Variants in FCRL2 observed in about 807,000 individuals in gnomAD.
The protein encoded by FCRL2 is Fc receptor-like protein 2.
A neutral mutation model predicts 59.8 loss-of-function variants in FCRL2; 48 were observed. That is an observed-to-expected ratio of 0.80 (90% CI 0.64 to 1.02). FCRL2 has a LOEUF of 1.02. Among genes scored for constraint, FCRL2 ranks in the 50% least tolerant of loss-of-function variants. The pLI is 0.00. For missense variants in FCRL2, 658 were observed against 597.3 expected (o/e 1.10, Z -1.06); for synonymous variants, 251 against 229.5 (o/e 1.09, Z -0.85).
intron 10 of FCRL2, among the ~76,000 whole-genome samples, chr1:157,747,835 C>G (rs928882655): frequency 6.6e-6 from 1 of 152,186 alleles, no homozygotes; most frequent in Non-Finnish European, 1.5e-5. Flanking sequence ...GTTATTCCTC[C>G]CATCCCATAT....
intron 7 of FCRL2, among the ~76,000 whole-genome samples, chr1:157,755,771 T>A (rs1475260715): frequency 1.3e-5 from 2 of 152,224 alleles, no homozygotes; most frequent in Non-Finnish European, 2.9e-5. Flanking sequence ...GCACATAGTA[T>A]GTTATTATTT....
chr1:157,771,804 CA>C (rs1650042998), intron 2 of FCRL2, among the ~76,000 whole-genome samples: 1 of 152,010 alleles, frequency 6.6e-6, no homozygotes, highest in Non-Finnish European at 1.5e-5. Context: ...TCTTTCCTGT[CA>C]CTATTCAATT....
intron 2 of FCRL2, 75 bp downstream of exon 2, chr1:157,775,700 C>A: frequency 6.5e-7 from 1 of 1,543,962 alleles, no homozygotes; most frequent in African/African-American, 1.4e-5. Context: ...TCCAGAGCCA[C>A]CTCTATAGAA....
rs560907212 is a variant in FCRL2 at position 157,757,368 on chromosome 1, G to T, written c.1280-7691C>A. ...TAAGGGTGGAGCCCTGATACAATAG[G>T]ATTAGTGTTCTTATAAGAAGGGACG... On this transcript the variant is annotated intron_variant, in intron 7 of 11. Transcript: ENST00000361516. 6.6e-5 allele frequency among the ~76,000 whole-genome samples: 10 copies of T among 152,240 alleles called. No individual in the cohort carries two copies. The East Asian group carries it at 7.7e-4, about 12-fold the overall frequency.
At chr1:157,761,470 A>G (rs561047065) in intron 7 of FCRL2, among the ~76,000 whole-genome samples, 2 of 152,230 alleles carry the variant, frequency 1.3e-5, no homozygotes, top group South Asian at 2.1e-4. Flanking sequence ...TTAGCTGGGT[A>G]TGGTGACATG....
intron 2 of FCRL2, 26 bp downstream of exon 2, chr1:157,775,749 G>A (rs577506837): frequency 1.2e-6 from 2 of 1,613,782 alleles, no homozygotes; most frequent in African/African-American, 1.3e-5. Context: ...CAGAGACCAA[G>A]AACAACAAAG....
chr1:157,773,897 C>G (rs942847961), intron 2 of FCRL2, among the ~76,000 whole-genome samples: 36 of 152,000 alleles, frequency 2.4e-4, no homozygotes, highest in African/African-American at 8.7e-4. Context: ...TCATGCTGAC[C>G]CCCAGAGGGT....
chr1:157,764,414 A>G (rs982348583), intron 7 of FCRL2, among the ~76,000 whole-genome samples: 3 of 152,240 alleles, frequency 2.0e-5, no homozygotes, highest in Non-Finnish European at 4.4e-5. Flanking sequence ...TAGACAGATC[A>G]TCTGAATAGT....
chr1:157,768,407 C>G lies in FCRL2; in HGVS notation c.883+7G>C. 1 of 1,610,350 alleles carries G rather than the reference C, an allele frequency of 6.2e-7. No homozygotes were observed. Reference sequence around the variant, plus strand: ...TTCTGGAAGATATGAATGAGAGTGTCACTCACTTCTCACAGGGATATTCAC... The same window carrying G: ...TTCTGGAAGATATGAATGAGAGTGTGACTCACTTCTCACAGGGATATTCAC... On this transcript the variant is annotated splice_region_variant and intron_variant, in intron 5 of 11. Transcript: ENST00000361516.
intron 7 of FCRL2, among the ~76,000 whole-genome samples, chr1:157,760,357 T>C (rs1358680761): frequency 6.6e-6 from 1 of 151,962 alleles, no homozygotes. Flanking sequence ...GGTGGCTCAC[T>C]CACTCCTGTA....
chr1:157,754,121 G>T (rs1648409176), intron 7 of FCRL2, among the ~76,000 whole-genome samples: 1 of 152,040 alleles, frequency 6.6e-6, no homozygotes, highest in Admixed American at 6.6e-5. Flanking sequence ...ACAGGAGTTG[G>T]GTAAAATGAG....
intron 2 of FCRL2, 122 bp from the exon 3 acceptor site, chr1:157,770,788 C>G: frequency 9.5e-7 from 1 of 1,048,772 alleles, no homozygotes. Context: ...AAGTTCCAAT[C>G]CATGCCTTAA....
intron 10 of FCRL2, among the ~76,000 whole-genome samples, chr1:157,747,938 A>ATT (rs1161796843): frequency 9.2e-5 from 14 of 152,034 alleles, no homozygotes; most frequent in Admixed American, 7.9e-4. Context: ...CTCTTGCCTG[A>ATT]TTTCCTTCTT....
At chr1:157,771,683 T>C (rs969549940) in intron 2 of FCRL2, among the ~76,000 whole-genome samples, 1 of 152,192 alleles carries the variant, frequency 6.6e-6, no homozygotes, top group Non-Finnish European at 1.5e-5. Flanking sequence ...GTCACTTCAT[T>C]TATTTACGGT....
intron 7 of FCRL2, among the ~76,000 whole-genome samples, chr1:157,758,878 G>C (rs1648806518): frequency 6.6e-6 from 1 of 152,158 alleles, no homozygotes; most frequent in African/African-American, 2.4e-5. Flanking sequence ...CTAACCATAT[G>C]CAGAATATTG....
intron 2 of FCRL2, among the ~76,000 whole-genome samples, chr1:157,775,071 A>AT (rs1217531354): frequency 6.6e-6 from 1 of 152,242 alleles, no homozygotes; most frequent in African/African-American, 2.4e-5. Flanking sequence ...TAATACATGC[A>AT]TTTTTAAAAA....
intron 2 of FCRL2, among the ~76,000 whole-genome samples, chr1:157,772,341 G>A (rs577916959): frequency 6.6e-6 from 1 of 152,286 alleles, no homozygotes; most frequent in South Asian, 2.1e-4. Context: ...TTGGTCGTTA[G>A]GAATTATTCA....
chr1:157,769,784 C>A (rs982225668), intron 4 of FCRL2, 82 bp downstream of exon 4: 2 of 1,497,416 alleles, frequency 1.3e-6, no homozygotes, highest in African/African-American at 1.4e-5. Context: ...AGGAGTTGAA[C>A]AAAGAAACAG....
rs1347116965 is a variant in FCRL2 at position 157,745,772 on chromosome 1, T to C, written c.*964A>G. ...ATTTTATTCTATATACTTACAAAAG[T>C]AATATCATAGTTTATTGCAAATACT... is the stretch of plus-strand genomic sequence containing the variant. On this transcript the variant is annotated 3_prime_UTR_variant, in exon 12 of 12. Coordinates refer to ENST00000361516, the MANE Select transcript of FCRL2 (RefSeq NM_030764.4). 1 of 152,182 alleles carries C rather than the reference T, an allele frequency of 6.6e-6. No homozygotes were observed. Among genetic ancestry groups the C allele is most frequent in the Non-Finnish European group, 1.5e-5 (1 of 68,032 alleles). The allele number at this position is 152,182 out of a possible 1,614,324, so 9.4% of individuals were successfully genotyped here.
Sources: gnomAD v4.1 joint callset for allele counts (sites outside exome capture counted in the v4.1 genomes callset) on GRCh38, gnomAD v4.1.1 for gene constraint, MANE v1.5 for transcripts, NCBI Gene and HGNC (gene_info 2026-07-23, HGNC 2026-07-21) for gene names.